Variants in DZANK1 observed in about 807,000 individuals in gnomAD.
The protein encoded by DZANK1 is double zinc ribbon and ankyrin repeat-containing protein 1.
DZANK1 carries 91 observed loss-of-function variants against 94.5 expected under a neutral mutation model. That is an observed-to-expected ratio of 0.96 (90% CI 0.81 to 1.15). DZANK1 has a LOEUF of 1.15. Ranked by LOEUF, DZANK1 falls within the 50% of genes most tolerant of loss-of-function variation. DZANK1 has a pLI of 0.00. For synonymous variants in DZANK1, 312 were observed against 325.3 expected, an observed-to-expected ratio of 0.96 and a Z score of 0.44; for missense variants, 903 against 916.4, an observed-to-expected ratio of 0.99 and a Z score of 0.19.
intron 19 of DZANK1, among the ~76,000 whole-genome samples, chr20:18,385,618 G>C (rs1448343213): frequency 6.6e-6 from 1 of 152,044 alleles, no homozygotes; most frequent in African/African-American, 2.4e-5. Context: ...GGGTTTCACT[G>C]TGTTAGCCAG....
At chr20:18,398,568 G>A (rs777443153) in exon 14 of DZANK1, 2 of 1,613,994 alleles carry the variant, frequency 1.2e-6, no homozygotes, top group South Asian at 2.2e-5. Flanking sequence ...ATTCAGGGTT[G>A]TTCTGAGCAT....
At chr20:18,452,466 C>A (rs764575413) in intron 6 of DZANK1, 149 bp downstream of exon 6, 114 of 891,904 alleles carry the variant, frequency 1.3e-4, no homozygotes, top group Non-Finnish European at 1.8e-4. Context: ...AATACAGGGA[C>A]TTTTCTTGTC....
At position 18,453,721 on chromosome 20, in the gene DZANK1, C is replaced by A. The variant is rs200562180; in HGVS notation, c.475+10G>T. On this transcript the variant is annotated intron_variant, in intron 5 of 20. Coordinates refer to ENST00000262547, the Ensembl canonical transcript of DZANK1. ...ATACAAAACCTTGTCTTTGTTCTGT[C>A]ACATCATACCTGGAAACTTTCTAAG... is the stretch of plus-strand genomic sequence containing the variant. The A allele has an allele frequency of 1.7e-3, 2,752 of 1,590,164 alleles. 8 individuals carry two copies. The highest frequency in any genetic ancestry group is 2.1e-3 in the Non-Finnish European group (2,434 of 1,159,976).
chr20:18,456,418 G>A (rs1220487560), intron 3 of DZANK1, among the ~76,000 whole-genome samples: 10 of 152,062 alleles, frequency 6.6e-5, no homozygotes, highest in Admixed American at 6.6e-4. Flanking sequence ...GCTTTATTGA[G>A]GTATAATTTA....
At chr20:18,383,371 A>G (rs1420541041) in exon 21 of DZANK1, 1 of 152,236 alleles carries the variant, frequency 6.6e-6, no homozygotes, top group African/African-American at 2.4e-5. Flanking sequence ...TCAAAATTAC[A>G]CATTCTTATA....
chr20:18,398,582 A>T, exon 14 of DZANK1: 1 of 1,613,950 alleles, frequency 6.2e-7, no homozygotes, highest in East Asian at 2.2e-5. Flanking sequence ...TGAGCATAAC[A>T]CCTGAGGTGA....
intron 17 of DZANK1, among the ~76,000 whole-genome samples, chr20:18,393,355 C>T (rs1279792643): frequency 6.6e-6 from 1 of 152,210 alleles, no homozygotes; most frequent in Non-Finnish European, 1.5e-5. Context: ...AGGGTCCATC[C>T]TCATGCTGGG....
intron 13 of DZANK1, among the ~76,000 whole-genome samples, chr20:18,410,169 A>T (rs1023583675): frequency 6.6e-6 from 1 of 152,170 alleles, no homozygotes; most frequent in Non-Finnish European, 1.5e-5. Context: ...CATAAATAAT[A>T]GTTCTTTTTT....
rs11474236 is a variant in DZANK1, at chr20:18,427,606, G to GGTGTGTGT, written c.862-455_862-448dup. On this transcript the variant is annotated intron_variant, in intron 9 of 20. Transcript: ENST00000262547. ...TCTGCACTGGTTATGTGTAAGGTTGGGTGTGTGTGTGTGTGTGTGTGTGTG... is the reference window on the plus strand; with the variant it reads ...TCTGCACTGGTTATGTGTAAGGTTGGGTGTGTGTGTGTGTGTGTGTGTGTGTGTGTGTG... Among the ~76,000 whole-genome samples the GGTGTGTGT allele has an allele frequency of 3.0e-3, 449 of 148,786 alleles. 1 individual carries two copies. Among genetic ancestry groups the GGTGTGTGT allele is most frequent in the African/African-American group, 8.6e-3 (350 of 40,640 alleles).
intron 7 of DZANK1, among the ~76,000 whole-genome samples, chr20:18,447,901 T>G (rs979852230): frequency 3.3e-5 from 5 of 152,160 alleles, no homozygotes; most frequent in African/African-American, 1.2e-4. Flanking sequence ...CTTAAAAAAA[T>G]ATATACCTAT....
chr20:18,392,524 C>T (rs1226961836), intron 17 of DZANK1, among the ~76,000 whole-genome samples: 1 of 152,136 alleles, frequency 6.6e-6, no homozygotes, highest in Non-Finnish European at 1.5e-5. Flanking sequence ...GGACCCGGGC[C>T]CAGGCCTTGG....
chr20:18,396,332 T>C (rs973760784), intron 15 of DZANK1, 140 bp downstream of exon 15: 1 of 633,428 alleles, frequency 1.6e-6, no homozygotes, highest in Non-Finnish European at 2.7e-6. Flanking sequence ...TCTAATTCTA[T>C]GAAATTGCTT....
chr20:18,384,933 A>G, intron 20 of DZANK1, 83 bp downstream of exon 20: 1 of 1,353,288 alleles, frequency 7.4e-7, no homozygotes, highest in Non-Finnish European at 1.0e-6. Flanking sequence ...TTCAGGAACC[A>G]AGGCCCCTCT....
At chr20:18,447,559 C>G (rs1436441058) in intron 7 of DZANK1, among the ~76,000 whole-genome samples, 2 of 151,910 alleles carry the variant, frequency 1.3e-5, no homozygotes, top group African/African-American at 4.8e-5. Flanking sequence ...AACTCCTGAC[C>G]TCAGGTGATC....
At chr20:18,432,577 A>G (rs1413220371) in intron 9 of DZANK1, 2 of 152,228 alleles carry the variant, frequency 1.3e-5, no homozygotes, top group Non-Finnish European at 2.9e-5. Flanking sequence ...CTTCATGCTA[A>G]AGGGAGCTTG....
chr20:18,401,030 G>A (rs1306060363), intron 13 of DZANK1, among the ~76,000 whole-genome samples: 21 of 151,862 alleles, frequency 1.4e-4, no homozygotes, highest in Admixed American at 4.6e-4. Context: ...TCCGCCTCCC[G>A]GGTTCAAGCC....
intron 10 of DZANK1, chr20:18,420,599 G>T: frequency 4.4e-6 from 1 of 226,564 alleles, no homozygotes; most frequent in Admixed American, 4.0e-5. Flanking sequence ...GGCACTGCCT[G>T]AAAAAATGGG....
chr20:18,406,022 T>C (rs1355292636), intron 13 of DZANK1, among the ~76,000 whole-genome samples: 1 of 152,192 alleles, frequency 6.6e-6, no homozygotes, highest in Non-Finnish European at 1.5e-5. Context: ...CAGAGGGAAA[T>C]TGCTCATCCT....
chr20:18,391,496 G>A (rs539867709), intron 17 of DZANK1, among the ~76,000 whole-genome samples: 1 of 152,270 alleles, frequency 6.6e-6, no homozygotes, highest in South Asian at 2.1e-4. Flanking sequence ...GCCTCCCTAA[G>A]TGCTGGGATT....
Sources: allele counts gnomAD v4.1 joint callset (sites outside exome capture counted in the v4.1 genomes callset), GRCh38; gene constraint gnomAD v4.1.1; transcripts MANE v1.5; gene names NCBI Gene and HGNC (gene_info 2026-07-23, HGNC 2026-07-21).